UBE2R2: variants seen among roughly 807,000 people sequenced by gnomAD.
UBE2R2 encodes the protein ubiquitin conjugating enzyme E2 R2, also known as ubiquitin-conjugating enzyme E2 R2.
UBE2R2 carries 1 observed loss-of-function variant against 27.8 expected under a neutral mutation model. The observed-to-expected ratio is 0.04, with a 90% CI of 0.01 to 0.17. The LOEUF (loss-of-function observed/expected upper bound fraction) is 0.17. UBE2R2 is among the 10% of genes least tolerant of loss of function. UBE2R2 has a pLI of 1.00. For synonymous variants in UBE2R2, 106 were observed against 113.3 expected (o/e 0.94, Z 0.41); for missense variants, 100 against 291.0 (o/e 0.34, Z 4.78).
chr9:33,854,687 G>T (rs1226970650), intron 1 of UBE2R2, among the ~76,000 whole-genome samples: 1 of 151,230 alleles, frequency 6.6e-6, no homozygotes, highest in Non-Finnish European at 1.5e-5. Context: ...ATTAGTTTCT[G>T]AGAAGGGAGT....
At position 33,918,126 on chromosome 9, in the gene UBE2R2, T is replaced by TG; in HGVS notation, c.*895dup. 1 of 153,206 alleles carries TG rather than the reference T, an allele frequency of 6.5e-6. No individual in the cohort carries two copies. 9.5% of individuals were successfully genotyped at this position (153,206 alleles called of 1,614,324 possible). ...CTATGCTAAGTTTGGTTGATGCTAC[T>TG]GGGGGGAAAAAGTTGAAACTACTGG... On this transcript the variant is annotated 3_prime_UTR_variant, in exon 5 of 5. Coordinates refer to ENST00000263228, the MANE Select transcript of UBE2R2 (RefSeq NM_017811.4).
Position 33,917,638 on chromosome 9 carries a change from G to T in UBE2R2, c.*401G>T. 1 of 305,622 alleles carries T rather than the reference G, an allele frequency of 3.3e-6. No homozygotes were observed. The highest frequency in any genetic ancestry group is 5.9e-6 in the Non-Finnish European group (1 of 168,134). 18.9% of individuals were successfully genotyped at this position (305,622 alleles called of 1,614,324 possible). A position where few individuals can be genotyped will look rare whatever the true frequency, so the allele number is the denominator to read the frequency against. ...GTTTAAAGCTGGGAACCTGTTGGGA[G>T]TTCACAAGTGCTGCATATACTGGGT... is the stretch of plus-strand genomic sequence containing the variant. On this transcript the variant is annotated 3_prime_UTR_variant, in exon 5 of 5. Transcript: ENST00000263228.
intron 4 of UBE2R2, among the ~76,000 whole-genome samples, chr9:33,912,418 A>C (rs1822513631): frequency 6.6e-6 from 1 of 152,098 alleles, no homozygotes; most frequent in Non-Finnish European, 1.5e-5. Context: ...TGAGGTCAGG[A>C]GTTCGAGACC....
At chr9:33,877,959 G>C (rs67156055) in intron 1 of UBE2R2, among the ~76,000 whole-genome samples, 40,145 of 151,616 alleles carry the variant, frequency 0.26, 5,482 homozygotes, top group South Asian at 0.4. Flanking sequence ...GTTTCACCAT[G>C]TTGGCCAGGC....
At chr9:33,863,348 C>T (rs1821287904) in intron 1 of UBE2R2, among the ~76,000 whole-genome samples, 3 of 151,360 alleles carry the variant, frequency 2.0e-5, no homozygotes, top group Non-Finnish European at 4.4e-5. Flanking sequence ...CCCATCTCTA[C>T]TAAAAATACA....
chr9:33,870,144 C>T (rs1452386548), intron 1 of UBE2R2, among the ~76,000 whole-genome samples: 2 of 151,504 alleles, frequency 1.3e-5, no homozygotes, highest in South Asian at 2.1e-4. Flanking sequence ...TGTGCCCAGC[C>T]TTATTTTTAT....
At chr9:33,825,962 G>T (rs1177552699) in intron 1 of UBE2R2, among the ~76,000 whole-genome samples, 1 of 152,054 alleles carries the variant, frequency 6.6e-6, no homozygotes, top group Non-Finnish European at 1.5e-5. Context: ...AGCCAATATG[G>T]TGAAACCCCA....
chr9:33,910,307 C>T (rs916007071), intron 3 of UBE2R2, among the ~76,000 whole-genome samples: 1 of 152,014 alleles, frequency 6.6e-6, no homozygotes, highest in Non-Finnish European at 1.5e-5. Context: ...TGCTACCACA[C>T]CTGGCTAATT....
intron 1 of UBE2R2, among the ~76,000 whole-genome samples, chr9:33,821,611 CA>C (rs988729995): frequency 7.2e-4 from 109 of 151,098 alleles, no homozygotes; most frequent in African/African-American, 2.4e-3. Flanking sequence ...ATATGCATAA[CA>C]AAAAAAAATT....
At chr9:33,826,112 C>T (rs976143649) in intron 1 of UBE2R2, among the ~76,000 whole-genome samples, 3 of 150,438 alleles carry the variant, frequency 2.0e-5, no homozygotes, top group African/African-American at 7.4e-5. Flanking sequence ...TGCCACTGCA[C>T]TCCAGCCTGA....
chr9:33,842,057 C>A (rs182570835), intron 1 of UBE2R2, among the ~76,000 whole-genome samples: 68 of 152,068 alleles, frequency 4.5e-4, no homozygotes, highest in Non-Finnish European at 4.6e-4. Flanking sequence ...CTGTAAAAGG[C>A]CAGGTAGCAG....
intron 1 of UBE2R2, among the ~76,000 whole-genome samples, chr9:33,843,831 A>G (rs761934120): frequency 6.6e-6 from 1 of 152,198 alleles, no homozygotes; most frequent in Non-Finnish European, 1.5e-5. Context: ...GTTTGACATT[A>G]CTTATAATTC....
chr9:33,865,850 A>C (rs1396797413), intron 1 of UBE2R2, among the ~76,000 whole-genome samples: 1 of 131,954 alleles, frequency 7.6e-6, no homozygotes, highest in South Asian at 2.4e-4. Context: ...TTTTTTTTTG[A>C]GATGGAGTCT....
intron 3 of UBE2R2, among the ~76,000 whole-genome samples, chr9:33,907,643 G>T (rs1419421786): frequency 5.3e-5 from 8 of 152,100 alleles, no homozygotes; most frequent in Non-Finnish European, 1.5e-5. Context: ...AAAGCAAAGG[G>T]TACTACAGTT....
At chr9:33,859,898 C>T (rs1821191589) in intron 1 of UBE2R2, among the ~76,000 whole-genome samples, 2 of 151,680 alleles carry the variant, frequency 1.3e-5, no homozygotes, top group Admixed American at 1.3e-4. Flanking sequence ...CTTCAACCTC[C>T]TGGGCTCAAG....
chr9:33,823,340 T>C, intron 1 of UBE2R2, among the ~76,000 whole-genome samples: 1 of 152,026 alleles, frequency 6.6e-6, no homozygotes, highest in Admixed American at 6.6e-5. Context: ...ACCCAGCCTA[T>C]TTTATGACTC....
intron 1 of UBE2R2, among the ~76,000 whole-genome samples, chr9:33,866,505 C>T (rs1014695116): frequency 2.6e-5 from 4 of 152,188 alleles, no homozygotes; most frequent in Non-Finnish European, 5.9e-5. Flanking sequence ...TCCCAAAGTA[C>T]TGGGATTACA....
chr9:33,821,051 T>G (rs141377557), intron 1 of UBE2R2, among the ~76,000 whole-genome samples: 1 of 152,352 alleles, frequency 6.6e-6, no homozygotes, highest in African/African-American at 2.4e-5. Flanking sequence ...TTGTGTAGTT[T>G]CTTATTTTGC....
chr9:33,886,648 C>T (rs1319909675), intron 1 of UBE2R2, among the ~76,000 whole-genome samples: 1 of 128,870 alleles, frequency 7.8e-6, no homozygotes, highest in Admixed American at 8.9e-5. Context: ...AGTGAGACTC[C>T]GTCTTAAAAA....
Sources: allele counts gnomAD v4.1 joint callset (sites outside exome capture counted in the v4.1 genomes callset), GRCh38; gene constraint gnomAD v4.1.1; transcripts MANE v1.5; gene names NCBI Gene and HGNC (gene_info 2026-07-23, HGNC 2026-07-21).